KANSL1L: variants seen among roughly 807,000 people sequenced by gnomAD.
The protein encoded by KANSL1L is KAT8 regulatory NSL complex subunit 1-like protein.
In KANSL1L, 25 loss-of-function variants were observed where a neutral mutation model predicts 108.6. The ratio of observed to expected loss-of-function variants is 0.23; its 90% CI spans 0.17 to 0.32. The LOEUF (loss-of-function observed/expected upper bound fraction) is 0.32, where lower values mean the gene tolerates loss of function less well. KANSL1L is among the 10% of genes least tolerant of loss of function. The probability of loss-of-function intolerance (pLI) is 1.00; values close to 1 mark genes in which losing one functional copy is unlikely to be tolerated. For synonymous variants in KANSL1L, 405 were observed against 395.1 expected (o/e 1.03, Z -0.30); for missense variants, 1,137 against 1,125.7 (o/e 1.01, Z -0.14).
At chr2:210,132,068 C>A (rs2095126196) in intron 2 of KANSL1L, among the ~76,000 whole-genome samples, 1 of 151,962 alleles carries the variant, frequency 6.6e-6, no homozygotes. Flanking sequence ...GTTTGCTATG[C>A]TTATAAGTGG....
At chr2:210,128,780 C>T (rs999435476) in intron 3 of KANSL1L, among the ~76,000 whole-genome samples, 6 of 152,032 alleles carry the variant, frequency 3.9e-5, no homozygotes, top group African/African-American at 1.2e-4. Context: ...TTTGAAAACA[C>T]GTTTATCACT....
At chr2:210,149,162 A>G (rs2095285206) in intron 2 of KANSL1L, among the ~76,000 whole-genome samples, 1 of 152,096 alleles carries the variant, frequency 6.6e-6, no homozygotes, top group African/African-American at 2.4e-5. Context: ...TGAAATTTTT[A>G]AAAACCATAT....
chr2:210,034,308 G>C (rs11688922), intron 8 of KANSL1L, among the ~76,000 whole-genome samples: 13,540 of 152,202 alleles, frequency 0.089, 673 homozygotes, highest in Middle Eastern at 0.15. Flanking sequence ...AAGAGCTCTA[G>C]GAAAGGCTTC....
intron 4 of KANSL1L, 75 bp downstream of exon 4, chr2:210,104,029 T>A: frequency 8.9e-7 from 1 of 1,121,374 alleles, no homozygotes. Flanking sequence ...ACACATATAA[T>A]GATGTTTATT....
At chr2:210,059,835 G>A (rs1028167357) in intron 6 of KANSL1L, among the ~76,000 whole-genome samples, 8 of 151,714 alleles carry the variant, frequency 5.3e-5, no homozygotes, top group South Asian at 2.1e-4. Context: ...TCCACCTCCC[G>A]GGTTCAAGCG....
In KANSL1L at chr2:210,034,923, T is replaced by G. The variant is rs552535492; in HGVS notation, c.2030-3377A>C. Among the ~76,000 whole-genome samples the G allele has an allele frequency of 3.9e-5, 6 of 152,340 alleles. No individual in the cohort carries two copies. The South Asian group carries it at 1.2e-3, about 32-fold the overall frequency. On this transcript the variant is annotated intron_variant, in intron 8 of 14. Transcript: ENST00000281772. ...ACCCTTTTCTGAAATCCCCCAAATG[T>G]TAACATCGTATCACATTTGCTTTAC...
At chr2:210,109,841 T>G (rs1450927959) in intron 3 of KANSL1L, among the ~76,000 whole-genome samples, 1 of 152,060 alleles carries the variant, frequency 6.6e-6, no homozygotes, top group African/African-American at 2.4e-5. Context: ...AATATAAAGC[T>G]TCTTTCTTTT....
intron 12 of KANSL1L, 56 bp from the exon 13 acceptor site, chr2:210,025,272 T>C (rs2093920617): frequency 9.0e-7 from 1 of 1,116,208 alleles, no homozygotes; most frequent in African/African-American, 1.5e-5. Flanking sequence ...AAATATAAGA[T>C]CAGGCTGGGC....
intron 3 of KANSL1L, among the ~76,000 whole-genome samples, chr2:210,124,857 A>G (rs1338560857): frequency 7.2e-5 from 11 of 152,216 alleles, no homozygotes; most frequent in Non-Finnish European, 4.4e-5. Context: ...AGATGACAAG[A>G]GAGTATTATT....
At chr2:210,135,479 C>A (rs980893824) in intron 2 of KANSL1L, among the ~76,000 whole-genome samples, 5 of 152,124 alleles carry the variant, frequency 3.3e-5, no homozygotes, top group Non-Finnish European at 5.9e-5. Context: ...GCCTTACTTG[C>A]AGTTAGGTCT....
chr2:210,096,526 A>C, intron 5 of KANSL1L: 1 of 984,990 alleles, frequency 1.0e-6, no homozygotes, highest in African/African-American at 1.7e-5. Context: ...GAACACACAC[A>C]TGTAACTATG....
In KANSL1L at chr2:210,075,716, A is replaced by G. The variant is rs912838934; in HGVS notation, c.1591T>C (p.Trp531Arg). ...TTACTGTGCTTCTGGTTAAGTAACC[A>G]GCTACTGGAGGAAGACAGCTCATCT... ...NLDELSSSSS[W>R]LLNQKHSKKK... Residue 531 changes from tryptophan to arginine, a missense_variant, in exon 6 of 15, where the codon TGG (tryptophan) becomes CGG (arginine). Trp to Arg is a moderately radical substitution (Grantham distance 101). Coordinates refer to ENST00000281772, the MANE Select transcript of KANSL1L (RefSeq NM_152519.4). The G allele has an allele frequency of 6.2e-7, 1 of 1,614,046 alleles. No homozygotes were observed. Among genetic ancestry groups the G allele is most frequent in the African/African-American group, 1.3e-5 (1 of 75,054 alleles).
chr2:210,042,146 C>T (rs1362137806), intron 7 of KANSL1L, among the ~76,000 whole-genome samples: 5 of 152,160 alleles, frequency 3.3e-5, no homozygotes, highest in East Asian at 1.9e-4. Flanking sequence ...GGTCCTTGTT[C>T]GGTCTATGTG....
chr2:210,033,448 A>T (rs2094050951), intron 8 of KANSL1L, among the ~76,000 whole-genome samples: 1 of 152,198 alleles, frequency 6.6e-6, no homozygotes, highest in South Asian at 2.1e-4. Context: ...AATCATAGAC[A>T]ATTAACGTTT....
chr2:210,092,895 C>T (rs1362379021), intron 5 of KANSL1L, among the ~76,000 whole-genome samples: 1 of 152,002 alleles, frequency 6.6e-6, no homozygotes, highest in Non-Finnish European at 1.5e-5. Context: ...AAAGTCTCCA[C>T]CATGATCAGA....
intron 3 of KANSL1L, among the ~76,000 whole-genome samples, chr2:210,110,909 TG>T (rs2094898007): frequency 6.6e-6 from 1 of 151,986 alleles, no homozygotes; most frequent in African/African-American, 2.4e-5. Context: ...CCCAGGAGCT[TG>T]AGACCAGCCT....
chr2:210,128,890 TATA>T, intron 3 of KANSL1L, 138 bp downstream of exon 3: 1 of 603,684 alleles, frequency 1.7e-6, no homozygotes, highest in Non-Finnish European at 2.7e-6. Flanking sequence ...AGCTTCAATT[TATA>T]ATAATATATC....
rs1052791722 is a variant in KANSL1L, at chr2:210,141,994, C to CT, written c.1088+11500dup. ...GTGACAAAGGACATTGGCCTATAAT[C>CT]TTTTTTTTTTTTTTTCTTATAGTGT... On this transcript the variant is annotated intron_variant, in intron 2 of 14. Transcript: ENST00000281772. Among the ~76,000 whole-genome samples, 757 of 139,512 alleles carry CT rather than the reference C, an allele frequency of 5.4e-3. 1 individual carries two copies. Among genetic ancestry groups the CT allele is most frequent in the African/African-American group, 0.013 (513 of 38,354 alleles). The allele number at this position is 139,512 out of a possible 152,430, so 91.5% of individuals were successfully genotyped here. A position where few individuals can be genotyped will look rare whatever the true frequency, so the allele number is the denominator to read the frequency against.
At chr2:210,137,194 T>C (rs1010485633) in intron 2 of KANSL1L, among the ~76,000 whole-genome samples, 2 of 152,206 alleles carry the variant, frequency 1.3e-5, no homozygotes, top group African/African-American at 4.8e-5. Context: ...CAATTTCTTT[T>C]TAACACAAGC....
Sources: allele counts gnomAD v4.1 joint callset (sites outside exome capture counted in the v4.1 genomes callset), GRCh38; gene constraint gnomAD v4.1.1; transcripts MANE v1.5; gene names NCBI Gene and HGNC (gene_info 2026-07-23, HGNC 2026-07-21).